Variants in RARB observed in about 807,000 individuals in gnomAD.
RARB encodes HBV-activated protein.
In RARB, 17 loss-of-function variants were observed where a neutral mutation model predicts 51.9. The ratio of observed to expected loss-of-function variants is 0.33; its 90% CI spans 0.22 to 0.49. The LOEUF (loss-of-function observed/expected upper bound fraction) is 0.49. RARB is among the 20% of genes least tolerant of loss of function. RARB has a pLI of 0.99. For synonymous variants in RARB, 215 were observed against 195.4 expected (o/e 1.10, Z -0.84); for missense variants, 369 against 550.8 (o/e 0.67, Z 3.30).
At chr3:25,104,653 A>C (rs961018292) in intron 3 of RARB, among the ~76,000 whole-genome samples, 6 of 151,774 alleles carry the variant, frequency 4.0e-5, no homozygotes, top group African/African-American at 1.4e-4. Context: ...CAAAAGAGAA[A>C]AGAAAAAAAT....
intron 5 of RARB, among the ~76,000 whole-genome samples, chr3:25,182,850 C>T (rs899337103): frequency 2.6e-5 from 4 of 152,140 alleles, no homozygotes; most frequent in African/African-American, 9.7e-5. Flanking sequence ...GAGCCCTAAT[C>T]CAGTATGACT....
intron 2 of RARB, among the ~76,000 whole-genome samples, chr3:24,947,811 T>C (rs543809640): frequency 1.5e-3 from 225 of 152,296 alleles, no homozygotes; most frequent in African/African-American, 5.1e-3. Flanking sequence ...AACACTGCCA[T>C]TTAGTAGCTC....
intron 5 of RARB, among the ~76,000 whole-genome samples, chr3:25,354,448 C>T (rs939949297): frequency 2.6e-5 from 4 of 152,110 alleles, no homozygotes. Context: ...TCAACATCCT[C>T]TTGGACCCAG....
intron 2 of RARB, among the ~76,000 whole-genome samples, chr3:25,472,007 C>G (rs888700141): frequency 1.2e-4 from 18 of 152,182 alleles, no homozygotes; most frequent in African/African-American, 4.1e-4. Flanking sequence ...CCTCTCTCCC[C>G]ACCCGCGTAC....
chr3:24,897,752 C>CTT (rs11280403), intron 2 of RARB, among the ~76,000 whole-genome samples: 8,846 of 145,010 alleles, frequency 0.061, 283 homozygotes, highest in Non-Finnish European at 0.07. Flanking sequence ...TGCTCTGAGG[C>CTT]TTTTTTTTTT....
At chr3:25,173,170 G>T (rs562532921) in intron 4 of RARB, among the ~76,000 whole-genome samples, 1 of 152,310 alleles carries the variant, frequency 6.6e-6, no homozygotes, top group African/African-American at 2.4e-5. Flanking sequence ...TAGAATTTAA[G>T]CTTCTTCTAT....
chr3:24,889,919 A>T (rs1253945003), intron 2 of RARB, among the ~76,000 whole-genome samples: 1 of 151,952 alleles, frequency 6.6e-6, no homozygotes, highest in East Asian at 1.9e-4. Context: ...AAAAAAAAAA[A>T]AAAAGAAAAA....
At chr3:25,573,724 G>A (rs1277478248) in intron 4 of RARB, among the ~76,000 whole-genome samples, 1 of 152,118 alleles carries the variant, frequency 6.6e-6, no homozygotes, top group Non-Finnish European at 1.5e-5. Flanking sequence ...TTGCTTCCAC[G>A]GCAGGAAACT....
chr3:24,977,882 C>T (rs897240241), intron 2 of RARB, among the ~76,000 whole-genome samples: 24 of 152,256 alleles, frequency 1.6e-4, no homozygotes, highest in African/African-American at 5.8e-4. Flanking sequence ...ATGATATTGG[C>T]TGTGGGTTTG....
At chr3:25,464,430 A>T (rs1352968087) in intron 2 of RARB, among the ~76,000 whole-genome samples, 1 of 152,324 alleles carries the variant, frequency 6.6e-6, no homozygotes, top group Admixed American at 6.5e-5. Flanking sequence ...ATTATGGTGT[A>T]TCTTTTTAAC....
chr3:25,530,038 T>TC (rs141994166), intron 3 of RARB, among the ~76,000 whole-genome samples: 2,335 of 152,222 alleles, frequency 0.015, 70 homozygotes, highest in African/African-American at 0.053. Flanking sequence ...TGGCTGCCTC[T>TC]CCCCTTCATA....
chr3:25,314,037 C>T (rs1704354242), intron 5 of RARB, among the ~76,000 whole-genome samples: 1 of 152,032 alleles, frequency 6.6e-6, no homozygotes, highest in African/African-American at 2.4e-5. Context: ...CACCACTGCA[C>T]TCCAGCCTGG....
intron 2 of RARB, among the ~76,000 whole-genome samples, chr3:25,497,545 C>T (rs1697105497): frequency 6.6e-6 from 1 of 152,136 alleles, no homozygotes; most frequent in Non-Finnish European, 1.5e-5. Context: ...ACTTGGAATC[C>T]CAGAAATTTG....
At chr3:25,160,343 C>G (rs1409212837) in intron 4 of RARB, among the ~76,000 whole-genome samples, 1 of 152,176 alleles carries the variant, frequency 6.6e-6, no homozygotes, top group Non-Finnish European at 1.5e-5. Flanking sequence ...TTACTGCACT[C>G]TTGCCTTACC....
In RARB at chr3:25,165,018, A is replaced by G. The variant is rs958707478; in HGVS notation, c.-279-9101A>G. 1.3e-4 allele frequency among the ~76,000 whole-genome samples: 20 copies of G among 152,270 alleles called. 1 individual carries two copies. Among genetic ancestry groups the G allele is most frequent in the East Asian group, 5.8e-4 (3 of 5,176 alleles). On this transcript the variant is annotated intron_variant, in intron 4 of 11. Transcript: ENST00000383772. ...CAAGATTGGGCACCTTACTCTTCTA[A>G]AAGGGGCAGTTAAGTACTGAGTTAG...
intron 5 of RARB, among the ~76,000 whole-genome samples, chr3:25,403,425 A>T (rs562708137): frequency 9.8e-5 from 15 of 152,294 alleles, no homozygotes; most frequent in African/African-American, 1.2e-4. Context: ...AAGAAAATTT[A>T]AAAAATAAAC....
In RARB at chr3:25,596,678, G is replaced by GA. The variant is rs558545649; in HGVS notation, c.*68dup. The GA allele has an allele frequency of 5.8e-5, 80 of 1,389,314 alleles. No individual in the cohort carries two copies. The East Asian group carries it at 8.4e-4, about 15-fold the overall frequency. 86.1% of individuals were successfully genotyped at this position (1,389,314 alleles called of 1,614,324 possible). On this transcript the variant is annotated 3_prime_UTR_variant, in exon 8 of 8. Transcript: ENST00000330688. ...TTCAGTTCCAGGATTTAAAATGCAA[G>GA]AAAAAACATTTTTACTGCTGCTTAG...
At chr3:25,123,997 G>A (rs1699824511) in intron 3 of RARB, among the ~76,000 whole-genome samples, 2 of 152,140 alleles carry the variant, frequency 1.3e-5, no homozygotes, top group Non-Finnish European at 2.9e-5. Flanking sequence ...ACACCCCTTA[G>A]TAAAGGGAAA....
At chr3:25,320,968 C>T (rs766960508) in intron 5 of RARB, among the ~76,000 whole-genome samples, 4 of 152,318 alleles carry the variant, frequency 2.6e-5, no homozygotes, top group Non-Finnish European at 5.9e-5. Flanking sequence ...GATATTTAAG[C>T]ATGCTCATTC....
Sources: allele counts gnomAD v4.1 joint callset (sites outside exome capture counted in the v4.1 genomes callset), GRCh38; gene constraint gnomAD v4.1.1; transcripts MANE v1.5; gene names NCBI Gene and HGNC (gene_info 2026-07-23, HGNC 2026-07-21).